SGCZ: variants seen among roughly 807,000 people sequenced by gnomAD.
The protein encoded by SGCZ is zeta-sarcoglycan.
In SGCZ, 40 loss-of-function variants were observed where a neutral mutation model predicts 41.3. The observed-to-expected ratio is 0.97, with a 90% CI of 0.75 to 1.26. The LOEUF is 1.26. Among genes scored for constraint, SGCZ ranks in the 50% most tolerant of loss-of-function variants. SGCZ has a pLI of 0.00. For synonymous variants in SGCZ, 206 were observed against 137.5 expected, an observed-to-expected ratio of 1.50 and a Z score of -3.49; for missense variants, 552 against 369.8, an observed-to-expected ratio of 1.49 and a Z score of -4.04.
intron 1 of SGCZ, among the ~76,000 whole-genome samples, chr8:14,573,466 G>C (rs1804620705): frequency 6.6e-6 from 1 of 152,018 alleles, no homozygotes; most frequent in Non-Finnish European, 1.5e-5. Context: ...GGGATTACAG[G>C]CATGAGCCAC....
chr8:14,873,425 G>A (rs4463427), intron 1 of SGCZ, among the ~76,000 whole-genome samples: 9 of 152,126 alleles, frequency 5.9e-5, no homozygotes, highest in East Asian at 3.9e-4. Flanking sequence ...CTCTAGAGTC[G>A]TATAGTACTA....
chr8:14,927,857 C>T (rs542834492), intron 1 of SGCZ, among the ~76,000 whole-genome samples: 1 of 152,246 alleles, frequency 6.6e-6, no homozygotes, highest in African/African-American at 2.4e-5. Context: ...ACCAAGATTT[C>T]CCTACCCATA....
intron 1 of SGCZ, among the ~76,000 whole-genome samples, chr8:14,801,293 T>A (rs1173181143): frequency 6.6e-6 from 1 of 152,222 alleles, no homozygotes; most frequent in African/African-American, 2.4e-5. Context: ...GCTACTGGCA[T>A]TTCATTGATA....
intron 2 of SGCZ, among the ~76,000 whole-genome samples, chr8:14,457,344 G>C (rs775497529): frequency 1.8e-4 from 27 of 152,196 alleles, no homozygotes; most frequent in Non-Finnish European, 3.5e-4. Flanking sequence ...CCAGCGTCTG[G>C]GAAGATGCCT....
At chr8:14,985,148 T>C (rs1469506707) in intron 1 of SGCZ, among the ~76,000 whole-genome samples, 1 of 152,188 alleles carries the variant, frequency 6.6e-6, no homozygotes, top group East Asian at 1.9e-4. Flanking sequence ...AATGAATACA[T>C]TTGGATGCTT....
intron 1 of SGCZ, among the ~76,000 whole-genome samples, chr8:15,200,923 G>T (rs763581294): frequency 1.3e-5 from 2 of 152,062 alleles, no homozygotes; most frequent in Non-Finnish European, 1.5e-5. Flanking sequence ...CATTCTGTTG[G>T]TCTCTAAATA....
intron 1 of SGCZ, among the ~76,000 whole-genome samples, chr8:14,977,649 T>C (rs1025707284): frequency 3.3e-5 from 5 of 151,840 alleles, no homozygotes; most frequent in African/African-American, 1.2e-4. Flanking sequence ...AAATCTTGCC[T>C]GAGACTACAC....
intron 1 of SGCZ, among the ~76,000 whole-genome samples, chr8:15,129,391 C>T (rs1244992736): frequency 1.3e-5 from 2 of 152,120 alleles, no homozygotes; most frequent in Non-Finnish European, 2.9e-5. Flanking sequence ...TATCCTCAAA[C>T]TCATTCAATT....
chr8:14,683,990 G>C (rs909343798), intron 1 of SGCZ, among the ~76,000 whole-genome samples: 2 of 152,066 alleles, frequency 1.3e-5, no homozygotes, highest in African/African-American at 4.8e-5. Context: ...GGATGCCATA[G>C]GTTTATCACT....
At chr8:15,118,620 A>G (rs1373290546) in intron 1 of SGCZ, among the ~76,000 whole-genome samples, 2 of 152,168 alleles carry the variant, frequency 1.3e-5, no homozygotes, top group Non-Finnish European at 2.9e-5. Flanking sequence ...TCTCTTTTCA[A>G]TAATGAAGTT....
At chr8:14,900,704 G>T (rs895271848) in intron 1 of SGCZ, among the ~76,000 whole-genome samples, 7 of 152,132 alleles carry the variant, frequency 4.6e-5, no homozygotes, top group South Asian at 2.1e-4. Flanking sequence ...CCTCTCATTT[G>T]CAGTTTACGA....
chr8:14,170,526 G>C (rs768663611), intron 4 of SGCZ, among the ~76,000 whole-genome samples: 3 of 152,036 alleles, frequency 2.0e-5, no homozygotes, highest in Non-Finnish European at 4.4e-5. Context: ...TGAATTTTAA[G>C]AGGATAAGGT....
intron 1 of SGCZ, among the ~76,000 whole-genome samples, chr8:15,231,811 A>C (rs1801949811): frequency 6.6e-6 from 1 of 151,838 alleles, no homozygotes; most frequent in African/African-American, 2.4e-5. Flanking sequence ...TAGTAGAAAC[A>C]GGGTTTCACC....
intron 7 of SGCZ, among the ~76,000 whole-genome samples, chr8:14,095,239 T>C (rs541874552): frequency 3.9e-5 from 6 of 152,196 alleles, no homozygotes; most frequent in Non-Finnish European, 8.8e-5. Context: ...AGTTTTCTTC[T>C]AGGGTTTTAC....
intron 1 of SGCZ, among the ~76,000 whole-genome samples, chr8:15,103,089 G>A (rs1409513853): frequency 6.6e-6 from 1 of 152,088 alleles, no homozygotes; most frequent in Non-Finnish European, 1.5e-5. Flanking sequence ...AGATCGAAGA[G>A]TCCAGAAATA....
At chr8:14,755,999 T>C (rs1259308765) in intron 1 of SGCZ, among the ~76,000 whole-genome samples, 1 of 152,110 alleles carries the variant, frequency 6.6e-6, no homozygotes, top group East Asian at 1.9e-4. Context: ...ACATAAATTA[T>C]AAGATATTTT....
intron 2 of SGCZ, among the ~76,000 whole-genome samples, chr8:14,527,119 G>A (rs906000514): frequency 1.3e-5 from 2 of 152,002 alleles, no homozygotes; most frequent in Non-Finnish European, 2.9e-5. Flanking sequence ...AAGAAAATTC[G>A]TGGCATACTC....
intron 5 of SGCZ, among the ~76,000 whole-genome samples, chr8:14,158,743 T>C (rs1255305661): frequency 6.6e-6 from 1 of 152,190 alleles, no homozygotes; most frequent in African/African-American, 2.4e-5. Flanking sequence ...AAGTCTTGCA[T>C]ACCATATTCT....
chr8:14,521,322 T>A (rs113260820), intron 2 of SGCZ, among the ~76,000 whole-genome samples: 7 of 152,114 alleles, frequency 4.6e-5, no homozygotes, highest in Non-Finnish European at 1.0e-4. Context: ...CTTCGGGGAA[T>A]TGGATTTTTT....
Sources: gnomAD v4.1 joint callset for allele counts (sites outside exome capture counted in the v4.1 genomes callset) on GRCh38, gnomAD v4.1.1 for gene constraint, MANE v1.5 for transcripts, NCBI Gene and HGNC (gene_info 2026-07-23, HGNC 2026-07-21) for gene names.